The following TNPO1 variants were observed in gnomAD, a reference collection of about 807,000 sequenced individuals.
TNPO1 encodes the protein transportin-1.
In TNPO1, 8 loss-of-function variants were observed where a neutral mutation model predicts 119.5. The observed-to-expected ratio is 0.07, with a 90% CI of 0.04 to 0.12. TNPO1 has a LOEUF of 0.12. Ranked by LOEUF, TNPO1 falls within the 10% of genes least tolerant of loss-of-function variation. The pLI is 1.00. For synonymous variants in TNPO1, 362 were observed against 363.0 expected (o/e 1.00, Z 0.03); for missense variants, 576 against 1,089.8 (o/e 0.53, Z 6.64).
intron 20 of TNPO1, among the ~76,000 whole-genome samples, chr5:72,898,142 A>T (rs1749569154): frequency 6.6e-6 from 1 of 152,114 alleles, no homozygotes; most frequent in South Asian, 2.1e-4. Flanking sequence ...ATGGGTTATG[A>T]AATCTTGTTA....
At chr5:72,822,836 G>A (rs1483000638) in intron 1 of TNPO1, among the ~76,000 whole-genome samples, 3 of 149,092 alleles carry the variant, frequency 2.0e-5, no homozygotes, top group Non-Finnish European at 3.0e-5. Context: ...CAGGCAATCC[G>A]CCCACCTTGG....
intron 18 of TNPO1, 99 bp from the exon 19 acceptor site, chr5:72,896,359 T>C (rs1579928973): frequency 4.5e-6 from 3 of 662,562 alleles, no homozygotes; most frequent in Middle Eastern, 2.7e-4. Flanking sequence ...AAACTTGTTA[T>C]TTCTTGCTTA....
chr5:72,831,098 T>A (rs892045892), intron 1 of TNPO1, among the ~76,000 whole-genome samples: 1 of 152,236 alleles, frequency 6.6e-6, no homozygotes, highest in East Asian at 1.9e-4. Context: ...ATAAGTACTT[T>A]AGATTTATTT....
intron 1 of TNPO1, among the ~76,000 whole-genome samples, chr5:72,817,669 A>G (rs958140242): frequency 1.3e-5 from 2 of 152,224 alleles, no homozygotes; most frequent in Non-Finnish European, 2.9e-5. Flanking sequence ...TTGAAACAGT[A>G]ATGACTTAAA....
Position 72,913,985 on chromosome 5 carries a change from G to A in TNPO1, c.*5312G>A, listed in dbSNP as rs139088609. ...TAACATTGGGTGCAATAATTTAGTA[G>A]CATTAGCTTTAGTTACAAATATAAC... On this transcript the variant is annotated 3_prime_UTR_variant, in exon 25 of 25. Coordinates refer to ENST00000337273, the MANE Select transcript of TNPO1 (RefSeq NM_002270.4). 1.3e-5 allele frequency: 2 copies of A among 152,520 alleles called. No homozygotes were observed. The highest frequency in any genetic ancestry group is 1.5e-5 in the Non-Finnish European group (1 of 67,960). The allele number at this position is 152,520 out of a possible 1,614,324, so 9.4% of individuals were successfully genotyped here.
intron 1 of TNPO1, among the ~76,000 whole-genome samples, chr5:72,817,808 T>C (rs1416718820): frequency 3.3e-5 from 5 of 152,246 alleles, no homozygotes; most frequent in Admixed American, 6.5e-5. Context: ...CTACTCACTT[T>C]TAGAATAACA....
At chr5:72,822,590 CTTTTTTTTTTT>C (rs766069525) in intron 1 of TNPO1, among the ~76,000 whole-genome samples, 9 of 132,930 alleles carry the variant, frequency 6.8e-5, no homozygotes, top group Non-Finnish European at 1.5e-4. Flanking sequence ...AAGTTCTACA[CTTTTTTTTTTT>C]TTTTTTTTGG....
In TNPO1 at chr5:72,896,532, A is replaced by G. The variant is rs757638391; in HGVS notation, c.2218A>G (p.Ile740Val). Residue 740 changes from isoleucine to valine, a missense_variant, in exon 19 of 25, where the codon ATT (isoleucine) becomes GTT (valine). Around this residue, in one of 6 missense-constraint regions of TNPO1, gnomAD observed 162 missense variants for 294.1 expected, o/e 0.55. Coordinates refer to ENST00000337273, the MANE Select transcript of TNPO1 (RefSeq NM_002270.4). ...ISVCNNATWA[I>V]GEISIQMGIE... ...AGTCTGCAACAATGCCACATGGGCA[A>G]TTGGAGAAATCTCCATTCAAATGGG... 5.0e-6 allele frequency: 8 copies of G among 1,611,632 alleles called. No individual in the cohort carries two copies. Among genetic ancestry groups the G allele is most frequent in the East Asian group, 4.5e-5 (2 of 44,866 alleles).
At chr5:72,883,584 C>T (rs62363383) in intron 11 of TNPO1, among the ~76,000 whole-genome samples, 16,438 of 152,226 alleles carry the variant, frequency 0.11, 1,265 homozygotes, top group East Asian at 0.29. Flanking sequence ...CATTTTGTAG[C>T]ATTCACTTGT....
At chr5:72,841,942 A>G (rs557089992) in intron 1 of TNPO1, among the ~76,000 whole-genome samples, 1 of 151,728 alleles carries the variant, frequency 6.6e-6, no homozygotes, top group Admixed American at 6.6e-5. Flanking sequence ...ATTCACATTC[A>G]GCAAATGATT....
At position 72,909,856 on chromosome 5, in the gene TNPO1, C is replaced by G. The variant is rs1750441225; in HGVS notation, c.*1183C>G. 1 of 152,468 alleles carries G rather than the reference C, an allele frequency of 6.6e-6. No homozygotes were observed. Among genetic ancestry groups the G allele is most frequent in the Non-Finnish European group, 1.5e-5 (1 of 67,992 alleles). 9.4% of individuals were successfully genotyped at this position (152,468 alleles called of 1,614,324 possible). On this transcript the variant is annotated 3_prime_UTR_variant, in exon 25 of 25. Transcript: ENST00000337273. ...TGCACAATGTGGAAAGCTGATATAC[C>G]TGTGCAAAATCTTTGCCTCTGTGCT... is the stretch of plus-strand genomic sequence containing the variant.
chr5:72,889,432 A>G (rs926309478), intron 13 of TNPO1, among the ~76,000 whole-genome samples: 4 of 152,222 alleles, frequency 2.6e-5, no homozygotes, highest in Non-Finnish European at 5.9e-5. Context: ...GAGGGAGGAT[A>G]TAGATTATGT....
Position 72,816,747 on chromosome 5 carries a change from G to C in TNPO1, c.10G>C (p.Asp4His), listed in dbSNP as rs956336333. 5.0e-6 allele frequency: 8 copies of C among 1,585,828 alleles called. No homozygotes were observed. In the African/African-American group the frequency reaches 1.1e-4, roughly 22 times the overall value. The change falls in exon 1 of 25, where the codon GAC (aspartate) becomes CAC (histidine). Residue 4 changes from aspartate (D) to histidine (H), a missense_variant. By Grantham distance (81) the Asp-to-His change is moderately conservative. Around this residue, in one of 6 missense-constraint regions of TNPO1, gnomAD observed 57 missense variants for 59.5 expected, o/e 0.96. Transcript: ENST00000337273. Reference protein sequence around the residue: MVWDRQTKMEYEWK... With the variant: MVWHRQTKMEYEWK... ...GCCCGAGGCGTCTGGGATGGTGTGGGACCGGGTAGGTGGCGTGAGGGTGCG... is the reference window on the plus strand; with the variant it reads ...GCCCGAGGCGTCTGGGATGGTGTGGCACCGGGTAGGTGGCGTGAGGGTGCG...
intron 20 of TNPO1, among the ~76,000 whole-genome samples, 167 bp downstream of exon 20, chr5:72,897,318 A>G (rs1359076804): frequency 6.6e-6 from 1 of 152,208 alleles, no homozygotes; most frequent in Non-Finnish European, 1.5e-5. Flanking sequence ...GCTACATTCT[A>G]TAACCAGTTT....
chr5:72,904,944 AGAGAAT>A (rs1219235323), intron 23 of TNPO1, among the ~76,000 whole-genome samples: 5 of 152,368 alleles, frequency 3.3e-5, no homozygotes, highest in Middle Eastern at 3.4e-3. Flanking sequence ...CAGGCAAGAA[AGAGAAT>A]GAGAATCAAG....
In TNPO1 at chr5:72,909,527, T is replaced by TAAA. The variant is rs964834940; in HGVS notation, c.*854_*855insAAA. ...TAGGCCAAGATGTTACTTTTTAAAGTGCAGTTTAAGGTTCAGGCATGCATT... is the reference window on the plus strand; with the variant it reads ...TAGGCCAAGATGTTACTTTTTAAAGTAAAGCAGTTTAAGGTTCAGGCATGCATT... On this transcript the variant is annotated 3_prime_UTR_variant, in exon 25 of 25. Transcript: ENST00000337273. 1 of 152,176 alleles carries TAAA rather than the reference T, an allele frequency of 6.6e-6. No homozygotes were observed. Among genetic ancestry groups the TAAA allele is most frequent in the African/African-American group, 2.4e-5 (1 of 41,434 alleles). The allele number at this position is 152,176 out of a possible 1,614,324, so 9.4% of individuals were successfully genotyped here.
At chr5:72,821,640 C>T (rs749777165) in intron 1 of TNPO1, among the ~76,000 whole-genome samples, 35 of 151,912 alleles carry the variant, frequency 2.3e-4, no homozygotes, top group Admixed American at 5.2e-4. Context: ...TATCTCTTGT[C>T]GAGAGATTTA....
At chr5:72,816,824 G>A in intron 1 of TNPO1, 72 bp downstream of exon 1, 2 of 1,517,058 alleles carry the variant, frequency 1.3e-6, no homozygotes, top group Non-Finnish European at 1.8e-6. Context: ...CGAGCTGCCT[G>A]ACGCGCCTAC....
At chr5:72,884,179 C>G (rs1021575739) in intron 11 of TNPO1, among the ~76,000 whole-genome samples, 9 of 152,166 alleles carry the variant, frequency 5.9e-5, no homozygotes, top group African/African-American at 1.7e-4. Flanking sequence ...TTCTGCTTTC[C>G]TAGCAGCATT....
Sources: allele counts gnomAD v4.1 joint callset (sites outside exome capture counted in the v4.1 genomes callset), GRCh38; gene constraint gnomAD v4.1.1; regional missense constraint gnomAD v4.1.1; transcripts MANE v1.5; gene names NCBI Gene and HGNC (gene_info 2026-07-23, HGNC 2026-07-21).